VTI1A: variants seen among roughly 807,000 people sequenced by gnomAD.
VTI1A encodes the protein vesicle transport through interaction with t-SNAREs 1A, also known as vesicle transport through interaction with t-SNAREs homolog 1A.
VTI1A carries 22 observed loss-of-function variants against 34.9 expected under a neutral mutation model. The ratio of observed to expected loss-of-function variants is 0.63; its 90% CI spans 0.45 to 0.90. The LOEUF is 0.90. Ranked by LOEUF, VTI1A falls within the 40% of genes least tolerant of loss-of-function variation. The pLI is 0.00. For synonymous variants in VTI1A, 87 were observed against 97.3 expected, an observed-to-expected ratio of 0.89 and a Z score of 0.62; for missense variants, 268 against 275.6, an observed-to-expected ratio of 0.97 and a Z score of 0.20.
At chr10:112,538,484 A>T in intron 5 of VTI1A, 154 bp downstream of exon 5, 1 of 653,712 alleles carries the variant, frequency 1.5e-6, no homozygotes, top group South Asian at 2.1e-5. Context: ...ATTTGCGCTT[A>T]TCTTTTTTCA....
At chr10:112,613,851 C>T (rs553658807) in intron 5 of VTI1A, among the ~76,000 whole-genome samples, 2 of 152,150 alleles carry the variant, frequency 1.3e-5, no homozygotes, top group African/African-American at 2.4e-5. Flanking sequence ...GGAGCTTGGG[C>T]GATACTGTAC....
chr10:112,543,771 T>A (rs1165897067), intron 5 of VTI1A, among the ~76,000 whole-genome samples: 1 of 152,254 alleles, frequency 6.6e-6, no homozygotes, highest in East Asian at 1.9e-4. Flanking sequence ...ATGTCCTGAA[T>A]GGTATTGCCT....
At chr10:112,852,595 G>A in the VTI1A span, among the ~76,000 whole-genome samples, 1 of 152,200 alleles carries the variant, frequency 6.6e-6, no homozygotes, top group South Asian at 2.1e-4. Context: ...TCTGGGCTTT[G>A]GGTCACTGAC....
intron 3 of VTI1A, among the ~76,000 whole-genome samples, chr10:112,472,736 G>T (rs1458248416): frequency 6.6e-6 from 1 of 152,056 alleles, no homozygotes; most frequent in Non-Finnish European, 1.5e-5. Flanking sequence ...TAGAGGTTTG[G>T]ATAGTCTCAG....
intron 5 of VTI1A, among the ~76,000 whole-genome samples, chr10:112,615,769 G>A (rs1207094029): frequency 6.6e-6 from 1 of 152,160 alleles, no homozygotes; most frequent in Non-Finnish European, 1.5e-5. Flanking sequence ...AGGGCATGGG[G>A]AAGGGTGGGA....
intron 5 of VTI1A, among the ~76,000 whole-genome samples, chr10:112,571,607 A>G (rs371358790): frequency 1.3e-5 from 2 of 152,174 alleles, no homozygotes; most frequent in Non-Finnish European, 2.9e-5. Context: ...GAGTTGAACT[A>G]CCATTCCACC....
rs374732082 is a variant in VTI1A, at chr10:112,791,321, G to A, written c.561-23969G>A. On this transcript the variant is annotated intron_variant, in intron 7 of 7. Transcript: ENST00000393077. Reference sequence around the variant, plus strand: ...CTAGACAGAGAAGACTAACCACTTGGATATCAGAAATGCCTACCACAAAAA... The same window carrying A: ...CTAGACAGAGAAGACTAACCACTTGAATATCAGAAATGCCTACCACAAAAA... 3.9e-5 allele frequency among the ~76,000 whole-genome samples: 6 copies of A among 152,228 alleles called. No individual in the cohort carries two copies. In the East Asian group the frequency reaches 5.8e-4, roughly 15 times the overall value.
intron 5 of VTI1A, among the ~76,000 whole-genome samples, chr10:112,662,411 C>A (rs1311985268): frequency 2.0e-5 from 3 of 151,998 alleles, no homozygotes; most frequent in Non-Finnish European, 4.4e-5. Context: ...GTTCAGTGAT[C>A]CTTTATTCTA....
chr10:112,643,838 TAGAA>T (rs1278319292), intron 5 of VTI1A, among the ~76,000 whole-genome samples: 1 of 152,314 alleles, frequency 6.6e-6, no homozygotes, highest in African/African-American at 2.4e-5. Flanking sequence ...ATTGCATAGC[TAGAA>T]AGAAAGGCAT....
chr10:112,571,230 T>C (rs1164993604), intron 5 of VTI1A, among the ~76,000 whole-genome samples: 1 of 152,198 alleles, frequency 6.6e-6, no homozygotes, highest in Non-Finnish European at 1.5e-5. Flanking sequence ...TAAGATGATT[T>C]AAAATATCTT....
intron 7 of VTI1A, chr10:112,737,713 G>T: frequency 9.4e-7 from 1 of 1,058,470 alleles, no homozygotes; most frequent in East Asian, 5.2e-5. Flanking sequence ...GAGACCTACA[G>T]TGATCTGGAA....
At chr10:112,677,292 G>A (rs1201468475) in intron 7 of VTI1A, among the ~76,000 whole-genome samples, 3 of 152,108 alleles carry the variant, frequency 2.0e-5, no homozygotes, top group African/African-American at 7.2e-5. Flanking sequence ...GGTCTCAGGT[G>A]AATTACCTCA....
chr10:112,761,437 T>C (rs1851459860), intron 7 of VTI1A, among the ~76,000 whole-genome samples: 1 of 152,150 alleles, frequency 6.6e-6, no homozygotes, highest in South Asian at 2.1e-4. Flanking sequence ...ATGATGGTGG[T>C]TTGAGGGGAG....
chr10:112,847,643 G>A, the VTI1A span, among the ~76,000 whole-genome samples: 1 of 152,156 alleles, frequency 6.6e-6, no homozygotes, highest in Non-Finnish European at 1.5e-5. Flanking sequence ...GCTCCTTCTT[G>A]CTGCCAAGAA....
In VTI1A at chr10:112,447,485, C is replaced by T; in HGVS notation, c.94+18C>T. 1 of 1,611,908 alleles carries T rather than the reference C, an allele frequency of 6.2e-7. No individual in the cohort carries two copies. The highest frequency in any genetic ancestry group is 8.5e-7 in the Non-Finnish European group (1 of 1,179,312). ...CCCGCCTGGTGAGAGCCTTGCCCGGCTGGACGAGGGTGCTGGGGAGAGCTG... is the reference window on the plus strand; with the variant it reads ...CCCGCCTGGTGAGAGCCTTGCCCGGTTGGACGAGGGTGCTGGGGAGAGCTG... On this transcript the variant is annotated intron_variant, in intron 1 of 7. Coordinates refer to ENST00000393077, the MANE Select transcript of VTI1A (RefSeq NM_145206.4).
the VTI1A span, among the ~76,000 whole-genome samples, chr10:112,838,477 TC>T: frequency 6.6e-6 from 1 of 150,914 alleles, no homozygotes; most frequent in Admixed American, 6.6e-5. Flanking sequence ...CTGGGAATGA[TC>T]CTGTATCAGA....
intron 7 of VTI1A, chr10:112,736,822 A>T (rs1255269814): frequency 1.7e-6 from 2 of 1,207,026 alleles, no homozygotes; most frequent in Admixed American, 4.0e-5. Context: ...TGTGCCTTCA[A>T]TGAGAAGCCT....
chr10:112,537,302 A>G (rs1249040487), intron 4 of VTI1A, among the ~76,000 whole-genome samples: 1 of 33,484 alleles, frequency 3.0e-5, no homozygotes, highest in East Asian at 4.8e-4. Context: ...TATATTTCTA[A>G]GTATCTAGGT....
intron 7 of VTI1A, among the ~76,000 whole-genome samples, chr10:112,689,674 C>T (rs1848546650): frequency 6.6e-6 from 1 of 152,098 alleles, no homozygotes; most frequent in Non-Finnish European, 1.5e-5. Flanking sequence ...AATCTCTCCA[C>T]TGAGACCAGA....
Sources: gnomAD v4.1 joint callset for allele counts (sites outside exome capture counted in the v4.1 genomes callset) on GRCh38, gnomAD v4.1.1 for gene constraint, MANE v1.5 for transcripts, NCBI Gene and HGNC (gene_info 2026-07-23, HGNC 2026-07-21) for gene names.